RAD51B: variants seen among roughly 807,000 people sequenced by gnomAD.
RAD51B encodes the protein DNA repair protein RAD51 homolog 2.
In RAD51B, 38 loss-of-function variants were observed where a neutral mutation model predicts 42.2. The ratio of observed to expected loss-of-function variants is 0.90; its 90% CI spans 0.70 to 1.18. The LOEUF (loss-of-function observed/expected upper bound fraction) is 1.18, where lower values mean the gene tolerates loss of function less well. Ranked by LOEUF, RAD51B falls within the 50% of genes most tolerant of loss-of-function variation. The pLI, the probability that RAD51B is intolerant of heterozygous loss-of-function variation, is 0.00. For synonymous variants in RAD51B, 154 were observed against 145.2 expected, an observed-to-expected ratio of 1.06 and a Z score of -0.43; for missense variants, 373 against 400.7, an observed-to-expected ratio of 0.93 and a Z score of 0.59.
chr14:68,422,952 G>GT (rs1188340156), intron 9 of RAD51B, among the ~76,000 whole-genome samples: 1 of 151,842 alleles, frequency 6.6e-6, no homozygotes, highest in Non-Finnish European at 1.5e-5. Flanking sequence ...TGAAGCCGAG[G>GT]TTTTTTTTCA....
chr14:67,996,263 G>T (rs997848446), intron 7 of RAD51B, among the ~76,000 whole-genome samples: 1 of 151,860 alleles, frequency 6.6e-6, no homozygotes, highest in Non-Finnish European at 1.5e-5. Context: ...GGGTGTAATG[G>T]TGTGCCCCTT....
chr14:67,926,590 AG>A (rs1447027793), intron 7 of RAD51B, among the ~76,000 whole-genome samples: 2 of 100,000 alleles, frequency 2.0e-5, no homozygotes, highest in East Asian at 6.4e-4. Flanking sequence ...TTTGAGACTG[AG>A]TCTTGGTCTG....
At chr14:68,616,573 C>T (rs1474407415) in intron 10 of RAD51B, among the ~76,000 whole-genome samples, 1 of 151,890 alleles carries the variant, frequency 6.6e-6, no homozygotes, top group African/African-American at 2.4e-5. Context: ...GGTGTGATTT[C>T]CCTTGCTTAT....
intron 10 of RAD51B, among the ~76,000 whole-genome samples, chr14:68,519,381 A>G (rs1297210203): frequency 3.3e-5 from 5 of 152,228 alleles, no homozygotes; most frequent in African/African-American, 1.2e-4. Context: ...CCCTGAGGTT[A>G]TTAATAAATT....
intron 9 of RAD51B, among the ~76,000 whole-genome samples, chr14:68,424,101 C>T (rs568597277): frequency 6.6e-6 from 1 of 152,328 alleles, no homozygotes; most frequent in African/African-American, 2.4e-5. Flanking sequence ...CTCTCTCCTC[C>T]AGTAAGAACC....
At chr14:67,975,227 G>A (rs948915174) in intron 7 of RAD51B, among the ~76,000 whole-genome samples, 1 of 152,110 alleles carries the variant, frequency 6.6e-6, no homozygotes, top group African/African-American at 2.4e-5. Flanking sequence ...TCAAGTTGAG[G>A]TTCTTATCAC....
chr14:68,411,401 G>T lies in RAD51B; in HGVS notation c.854-23G>T, dbSNP rs771609509. 1.9e-6 allele frequency: 3 copies of T among 1,600,462 alleles called. No homozygotes were observed. In the East Asian group the frequency reaches 6.7e-5, roughly 36 times the overall value. ...ATCTCAAGAAAGGGCATCTGAAAGC[G>T]TGCTTTTACCATTTCATTTCAGGCA... On this transcript the variant is annotated intron_variant, in intron 8 of 10. Coordinates refer to ENST00000471583, the MANE Select transcript of RAD51B (RefSeq NM_133510.4).
At chr14:68,048,477 T>G (rs540783346) in intron 7 of RAD51B, among the ~76,000 whole-genome samples, 8 of 152,206 alleles carry the variant, frequency 5.3e-5, no homozygotes, top group Non-Finnish European at 1.0e-4. Context: ...TGGCTTTTGT[T>G]GCCATTGCTT....
chr14:68,242,215 A>C (rs1168125060), intron 7 of RAD51B, among the ~76,000 whole-genome samples: 1 of 152,218 alleles, frequency 6.6e-6, no homozygotes, highest in Non-Finnish European at 1.5e-5. Flanking sequence ...GACTTGGCTC[A>C]GTCCATCCTG....
chr14:68,659,357 C>G (rs1268282951), intron 11 of RAD51B, among the ~76,000 whole-genome samples: 2 of 152,238 alleles, frequency 1.3e-5, no homozygotes, highest in Non-Finnish European at 2.9e-5. Flanking sequence ...CATCTGTCCC[C>G]CTTTAAGCCA....
chr14:67,953,193 T>A (rs1234356590), intron 7 of RAD51B, among the ~76,000 whole-genome samples: 1 of 152,152 alleles, frequency 6.6e-6, no homozygotes, highest in Non-Finnish European at 1.5e-5. Context: ...ACATAAGTGC[T>A]TCATGAAGGA....
intron 9 of RAD51B, among the ~76,000 whole-genome samples, chr14:68,417,861 A>T (rs990537243): frequency 6.6e-6 from 1 of 152,248 alleles, no homozygotes; most frequent in African/African-American, 2.4e-5. Context: ...AAGTAGAGAG[A>T]ACTTTCTCTT....
rs1409311346 is a variant in RAD51B at position 68,489,001 on chromosome 14, C to T, written c.1036+20751C>T. Among the ~76,000 whole-genome samples, 8 of 152,010 alleles carry T rather than the reference C, an allele frequency of 5.3e-5. No individual in the cohort carries two copies. In the South Asian group the frequency reaches 6.2e-4, roughly 12 times the overall value. ...GGAGTTTCACTCTTGTTGCCCAAGG[C>T]GGAGTGCAATGGCGCAATCTCAGCT... On this transcript the variant is annotated intron_variant, in intron 10 of 10. Transcript: ENST00000487270.
chr14:68,043,450 A>T (rs896723308), intron 7 of RAD51B, among the ~76,000 whole-genome samples: 1 of 152,224 alleles, frequency 6.6e-6, no homozygotes, highest in Non-Finnish European at 1.5e-5. Context: ...AAGATATCTG[A>T]TGACTGAGAA....
At chr14:67,914,828 G>C (rs1367044925) in intron 7 of RAD51B, among the ~76,000 whole-genome samples, 2 of 152,198 alleles carry the variant, frequency 1.3e-5, no homozygotes, top group South Asian at 4.1e-4. Flanking sequence ...TCACCAATGT[G>C]CATGTTCCCA....
chr14:68,124,683 G>C (rs1297264592), intron 7 of RAD51B, among the ~76,000 whole-genome samples: 1 of 152,210 alleles, frequency 6.6e-6, no homozygotes, highest in Non-Finnish European at 1.5e-5. Flanking sequence ...GCCGGGTGTG[G>C]TGGCTCACAC....
Position 68,532,075 on chromosome 14 carries a change from C to G in RAD51B, c.1037-62410C>G, listed in dbSNP as rs139203644. 4.6e-5 allele frequency among the ~76,000 whole-genome samples: 7 copies of G among 152,152 alleles called. No individual in the cohort carries two copies. In the East Asian group the frequency reaches 1.3e-3, roughly 29 times the overall value. On this transcript the variant is annotated intron_variant, in intron 10 of 10. Transcript: ENST00000487270. ...CATTTACATAAATTGACATAACAGG[C>G]CACACAAAGGAAGGTCTCAACAAAT... is the stretch of plus-strand genomic sequence containing the variant.
intron 8 of RAD51B, among the ~76,000 whole-genome samples, chr14:68,306,817 C>T (rs2081875406): frequency 6.6e-6 from 1 of 152,124 alleles, no homozygotes; most frequent in Non-Finnish European, 1.5e-5. Flanking sequence ...GCGTTGACCT[C>T]TGGAGGGCAG....
intron 4 of RAD51B, 91 bp from the exon 5 acceptor site, chr14:67,864,912 G>T (rs1352503489): frequency 7.2e-7 from 1 of 1,391,294 alleles, no homozygotes; most frequent in Non-Finnish European, 9.4e-7. Flanking sequence ...ATATGGCAAA[G>T]TCTTAAAAGG....
Sources: gnomAD v4.1 joint callset for allele counts (sites outside exome capture counted in the v4.1 genomes callset) on GRCh38, gnomAD v4.1.1 for gene constraint, MANE v1.5 for transcripts, NCBI Gene and HGNC (gene_info 2026-07-23, HGNC 2026-07-21) for gene names.